The following TRPC4AP variants were observed in gnomAD, a reference collection of about 807,000 sequenced individuals.
TRPC4AP encodes the protein short transient receptor potential channel 4-associated protein.
TRPC4AP carries 45 observed loss-of-function variants against 99.0 expected under a neutral mutation model. The ratio of observed to expected loss-of-function variants is 0.45; its 90% CI spans 0.36 to 0.58. TRPC4AP has a LOEUF of 0.58. TRPC4AP is among the 20% of genes least tolerant of loss of function. TRPC4AP has a pLI of 0.00. For missense variants in TRPC4AP, 879 were observed against 985.3 expected (o/e 0.89, Z 1.44); for synonymous variants, 408 against 385.8 (o/e 1.06, Z -0.67).
chr20:35,035,294 T>G lies in TRPC4AP; in HGVS notation c.880A>C (p.Ile294Leu). The change falls in exon 8 of 19, where the codon ATT becomes CTT. Residue 294 changes from isoleucine to leucine, a missense_variant. Around this residue, in one of 3 missense-constraint regions of TRPC4AP, gnomAD observed 603 missense variants for 631.8 expected, o/e 0.95. Coordinates refer to ENST00000252015, the MANE Select transcript of TRPC4AP (RefSeq NM_015638.3). ...AEINQAALLS[I>L]PGFVERLCKL... Reference sequence around the variant, plus strand: ...CAAAGCCGCTCAACAAAGCCAGGAATGCTGAGAAGGGCCGCTGCCAGGGAA... The same window carrying G: ...CAAAGCCGCTCAACAAAGCCAGGAAGGCTGAGAAGGGCCGCTGCCAGGGAA... 1 of 1,613,654 alleles carries G rather than the reference T, an allele frequency of 6.2e-7. No homozygotes were observed. Among genetic ancestry groups the G allele is most frequent in the South Asian group, 1.1e-5 (1 of 90,996 alleles).
chr20:35,084,738 A>ATATATGTTTATATGCATATATATGTG (rs1569155517), intron 1 of TRPC4AP, among the ~76,000 whole-genome samples: 3 of 145,408 alleles, frequency 2.1e-5, no homozygotes, highest in African/African-American at 7.9e-5. Flanking sequence ...GTGTATATGT[A>ATATATGTTTATATGCATATATATGTG]TATATGTTTA....
At chr20:35,036,952 C>T (rs1024474675) in intron 7 of TRPC4AP, among the ~76,000 whole-genome samples, 4 of 151,496 alleles carry the variant, frequency 2.6e-5, no homozygotes, top group South Asian at 4.2e-4. Flanking sequence ...TCAACGCGTG[C>T]GCACACAAAC....
chr20:35,050,634 G>A (rs2083673404), intron 5 of TRPC4AP, among the ~76,000 whole-genome samples: 1 of 151,592 alleles, frequency 6.6e-6, no homozygotes, highest in Admixed American at 6.6e-5. Context: ...GATCATTTGA[G>A]CCCAGAAGGT....
intron 10 of TRPC4AP, 50 bp downstream of exon 10, chr20:35,015,958 C>T: frequency 6.2e-7 from 1 of 1,608,234 alleles, no homozygotes; most frequent in Non-Finnish European, 8.5e-7. Context: ...CTTGAAACAA[C>T]TACTCCAAGC....
chr20:35,082,347 C>T (rs1216448331), intron 1 of TRPC4AP, among the ~76,000 whole-genome samples: 1 of 152,008 alleles, frequency 6.6e-6, no homozygotes, highest in African/African-American at 2.4e-5. Flanking sequence ...GCAAAATGAC[C>T]AGCTGCTAGG....
At chr20:35,006,618 C>T (rs1324255295) in intron 14 of TRPC4AP, 43 bp from the exon 15 acceptor site, 2 of 1,599,060 alleles carry the variant, frequency 1.3e-6, no homozygotes, top group Non-Finnish European at 1.7e-6. Context: ...CGTGGCTGCC[C>T]CCACCAGGGC....
At chr20:35,011,946 G>A (rs541470817) in intron 11 of TRPC4AP, among the ~76,000 whole-genome samples, 1 of 152,310 alleles carries the variant, frequency 6.6e-6, no homozygotes, top group South Asian at 2.1e-4. Context: ...CTCAACGGTG[G>A]AATCCTTGGA....
intron 3 of TRPC4AP, among the ~76,000 whole-genome samples, chr20:35,064,630 T>G (rs2084094348): frequency 6.6e-6 from 1 of 152,224 alleles, no homozygotes; most frequent in Admixed American, 6.5e-5. Context: ...TTAACTGCAC[T>G]TGCAGGAGGG....
Position 35,003,115 on chromosome 20 carries a change from G to GC in TRPC4AP, c.*30dup. 6 of 1,612,936 alleles carry GC rather than the reference G, an allele frequency of 3.7e-6. No homozygotes were observed. Among genetic ancestry groups the GC allele is most frequent in the Non-Finnish European group, 4.2e-6 (5 of 1,179,494 alleles). On this transcript the variant is annotated 3_prime_UTR_variant, in exon 19 of 19. Transcript: ENST00000252015. ...ATCGTACCCACGCTCACCCACACTG[G>GC]CCCAGCAGCCTCCCGAGGCCTGGCC...
intron 8 of TRPC4AP, chr20:35,030,400 A>C (rs2083159946): frequency 6.6e-6 from 1 of 152,154 alleles, no homozygotes; most frequent in South Asian, 2.1e-4. Flanking sequence ...ATTTTGGAAT[A>C]TGTGTTGCTG....
chr20:35,049,489 A>C (rs2083645084), intron 6 of TRPC4AP, among the ~76,000 whole-genome samples: 1 of 12,206 alleles, frequency 8.2e-5, no homozygotes, highest in African/African-American at 2.2e-4. Flanking sequence ...AGATAGCGGT[A>C]AAGTGGTAAG....
chr20:35,073,571 C>T (rs998170759), intron 2 of TRPC4AP, among the ~76,000 whole-genome samples: 3 of 152,130 alleles, frequency 2.0e-5, no homozygotes, highest in Non-Finnish European at 2.9e-5. Context: ...TGATGGATTA[C>T]GTTTATTGAT....
intron 13 of TRPC4AP, 60 bp downstream of exon 13, chr20:35,008,604 C>G: frequency 6.7e-7 from 1 of 1,501,634 alleles, no homozygotes; most frequent in Non-Finnish European, 9.2e-7. Context: ...TCCTAACCTC[C>G]TGAGAAACAC....
chr20:35,086,354 G>A (rs2084846721), intron 1 of TRPC4AP, among the ~76,000 whole-genome samples: 1 of 151,768 alleles, frequency 6.6e-6, no homozygotes, highest in Admixed American at 6.6e-5. Flanking sequence ...GTCCTTTAAT[G>A]GGGTATGATT....
In TRPC4AP at chr20:35,003,823, C is replaced by T. The variant is rs189612303; in HGVS notation, c.2050-207G>A. On this transcript the variant is annotated intron_variant, in intron 17 of 18. Coordinates refer to ENST00000252015, the MANE Select transcript of TRPC4AP (RefSeq NM_015638.3). ...TGACTGAGCACCTTCCTCTTCCCCA[C>T]GCCCACCTCCCACCCCACCTGAGGC... 3.8e-3 allele frequency among the ~76,000 whole-genome samples: 576 copies of T among 152,324 alleles called. 11 individuals carry two copies. Among genetic ancestry groups the T allele is most frequent in the African/African-American group, 0.013 (531 of 41,568 alleles).
chr20:35,056,013 C>T (rs1314306400), intron 4 of TRPC4AP, among the ~76,000 whole-genome samples: 1 of 152,208 alleles, frequency 6.6e-6, no homozygotes, highest in Non-Finnish European at 1.5e-5. Context: ...TTTCCATTCA[C>T]TCCTAAGCTG....
intron 8 of TRPC4AP, among the ~76,000 whole-genome samples, chr20:35,026,490 AC>A (rs1262668933): frequency 6.6e-6 from 1 of 152,192 alleles, no homozygotes; most frequent in African/African-American, 2.4e-5. Flanking sequence ...TGCTGGGATT[AC>A]AGGCATGAGT....
chr20:35,092,540 A>G, intron 1 of TRPC4AP, 74 bp downstream of exon 1: 1 of 1,402,324 alleles, frequency 7.1e-7, no homozygotes, highest in Non-Finnish European at 9.2e-7. Context: ...CGGCCTGGAA[A>G]GGCCTCTTCC....
chr20:35,091,294 A>C (rs1420546603), intron 1 of TRPC4AP, among the ~76,000 whole-genome samples: 1 of 152,042 alleles, frequency 6.6e-6, no homozygotes, highest in Non-Finnish European at 1.5e-5. Flanking sequence ...TTAAGAACAC[A>C]AGGGGGAAAA....
Sources: gnomAD v4.1 joint callset for allele counts (sites outside exome capture counted in the v4.1 genomes callset) on GRCh38, gnomAD v4.1.1 for gene constraint, gnomAD v4.1.1 regional missense constraint, MANE v1.5 for transcripts, NCBI Gene and HGNC (gene_info 2026-07-23, HGNC 2026-07-21) for gene names.